RGS20: variants seen among roughly 807,000 people sequenced by gnomAD.
RGS20 encodes the protein regulator of G protein signaling 20.
In RGS20, 30 loss-of-function variants were observed where a neutral mutation model predicts 33.6. That is an observed-to-expected ratio of 0.89 (90% CI 0.67 to 1.21). The LOEUF (loss-of-function observed/expected upper bound fraction) is 1.21, where lower values mean the gene tolerates loss of function less well. RGS20 is among the 50% of genes most tolerant of loss of function. The pLI is 0.00. For missense variants in RGS20, 472 were observed against 502.4 expected (o/e 0.94, Z 0.58); for synonymous variants, 208 against 197.9 (o/e 1.05, Z -0.43).
chr8:53,919,865 G>A (rs1205588732), intron 2 of RGS20, among the ~76,000 whole-genome samples: 1 of 151,868 alleles, frequency 6.6e-6, no homozygotes, highest in Non-Finnish European at 1.5e-5. Flanking sequence ...ATAAATATGG[G>A]ATATCTTTCC....
In RGS20 at chr8:53,869,408, G is replaced by T. The variant is rs541971951; in HGVS notation, c.166-9850G>T. Among the ~76,000 whole-genome samples, 5 of 152,254 alleles carry T rather than the reference G, an allele frequency of 3.3e-5. No individual in the cohort carries two copies. In the South Asian group the frequency reaches 1.0e-3, roughly 32 times the overall value. ...ATTAAAATAGGGGCTGGGTGCGATGGCTTACGTCTGTAATCCCAGCATTTT... is the reference window on the plus strand; with the variant it reads ...ATTAAAATAGGGGCTGGGTGCGATGTCTTACGTCTGTAATCCCAGCATTTT... On this transcript the variant is annotated intron_variant, in intron 1 of 5. Coordinates refer to ENST00000297313, the MANE Select transcript of RGS20 (RefSeq NM_170587.4).
At chr8:53,924,275 C>T (rs1248170807) in intron 2 of RGS20, among the ~76,000 whole-genome samples, 9 of 151,984 alleles carry the variant, frequency 5.9e-5, no homozygotes, top group African/African-American at 1.5e-4. Flanking sequence ...CAGCAACCTC[C>T]GCCTCCCGGG....
At chr8:53,860,341 A>T (rs983697957) in intron 1 of RGS20, among the ~76,000 whole-genome samples, 2 of 152,246 alleles carry the variant, frequency 1.3e-5, no homozygotes, top group African/African-American at 4.8e-5. Flanking sequence ...ATGATTTCGA[A>T]TTCTCAACAC....
At chr8:53,854,543 G>T (rs931397569) in intron 1 of RGS20, among the ~76,000 whole-genome samples, 3 of 151,934 alleles carry the variant, frequency 2.0e-5, no homozygotes, top group Non-Finnish European at 4.4e-5. Flanking sequence ...ACACCGAGAA[G>T]AATAGCTAAA....
intron 2 of RGS20, among the ~76,000 whole-genome samples, chr8:53,939,130 C>T (rs1330688936): frequency 2.6e-5 from 4 of 152,218 alleles, no homozygotes; most frequent in Non-Finnish European, 5.9e-5. Context: ...TTAGCTGGGC[C>T]GCCCTTCCCA....
intron 4 of RGS20, among the ~76,000 whole-genome samples, chr8:53,949,605 G>A (rs1227719458): frequency 2.6e-5 from 4 of 151,164 alleles, no homozygotes; most frequent in African/African-American, 9.7e-5. Flanking sequence ...AATCCCAGCT[G>A]TTTGGAAGGT....
intron 2 of RGS20, among the ~76,000 whole-genome samples, chr8:53,911,794 A>G (rs1813354180): frequency 6.6e-6 from 1 of 152,048 alleles, no homozygotes; most frequent in African/African-American, 2.4e-5. Context: ...CAAAAAAATT[A>G]GCTGGTCATG....
rs1812299089 is a variant in RGS20, at chr8:53,879,592, C to T, written c.500C>T (p.Ser167Leu). ...GAAGACGCCACCGCTGGGCAGAGCT[C>T]GCCTATGCCGGTGAGTACCGTGGTC... is the stretch of plus-strand genomic sequence containing the variant. Residue 167 changes from serine (S) to leucine (L), a missense_variant, in exon 2 of 6, where the codon TCG becomes TTG. By Grantham distance (145) the Ser-to-Leu change is moderately radical (BLOSUM62 -2). Coordinates refer to ENST00000297313, the MANE Select transcript of RGS20 (RefSeq NM_170587.4). 6.6e-7 allele frequency: 1 copy of T among 1,512,354 alleles called. No homozygotes were observed. Among genetic ancestry groups the T allele is most frequent in the South Asian group, 1.3e-5 (1 of 77,948 alleles). The allele number at this position is 1,512,354 out of a possible 1,614,324, so 93.7% of individuals were successfully genotyped here. A position where few individuals can be genotyped will look rare whatever the true frequency, so the allele number is the denominator to read the frequency against.
intron 2 of RGS20, among the ~76,000 whole-genome samples, chr8:53,922,149 T>A (rs879745808): frequency 1.3e-5 from 2 of 152,286 alleles, no homozygotes; most frequent in Admixed American, 1.3e-4. Flanking sequence ...TCCCTTCAAT[T>A]CTGTTAGTTT....
Position 53,852,046 on chromosome 8 carries a change from G to T in RGS20, c.147G>T (p.Arg49Ser), listed in dbSNP as rs1563330680. The change falls in exon 1 of 6, where the codon AGG becomes AGT. Residue 49 changes from arginine to serine, a missense_variant. Arg to Ser is a moderately radical substitution (Grantham distance 110). This residue lies in a region of RGS20 where 319 missense variants were observed against 283.4 expected (regional missense o/e 1.13). Coordinates refer to ENST00000297313, the MANE Select transcript of RGS20 (RefSeq NM_170587.4). ...TCACAGAAAATGAAGGAGACCTCAGGGCTGTTCCTGATATCAAGGTAAGGT... is the reference window on the plus strand; with the variant it reads ...TCACAGAAAATGAAGGAGACCTCAGTGCTGTTCCTGATATCAAGGTAAGGT... The T allele has an allele frequency of 1.2e-6, 2 of 1,612,160 alleles. No homozygotes were observed. Among genetic ancestry groups the T allele is most frequent in the Admixed American group, 3.3e-5 (2 of 59,910 alleles).
chr8:53,884,626 G>A (rs147303654), intron 2 of RGS20, among the ~76,000 whole-genome samples: 453 of 152,198 alleles, frequency 3.0e-3, no homozygotes, highest in Middle Eastern at 0.01. Context: ...AGCTAATTAG[G>A]GGCCAAAATA....
At chr8:53,948,463 T>C (rs1397858389) in intron 4 of RGS20, among the ~76,000 whole-genome samples, 1 of 139,006 alleles carries the variant, frequency 7.2e-6, no homozygotes, top group Admixed American at 7.5e-5. Flanking sequence ...CTATATATGA[T>C]ACAGTATATA....
In RGS20 at chr8:53,906,121, A is replaced by G. The variant is rs535582880; in HGVS notation, c.510+26519A>G. ...GTATTTAAGACCAGAGGATCCTACA[A>G]AAAACTCACTCAGGCCAGGCGCGGT... On this transcript the variant is annotated intron_variant, in intron 2 of 5. Transcript: ENST00000297313. Among the ~76,000 whole-genome samples the G allele has an allele frequency of 3.9e-5, 6 of 152,276 alleles. No individual in the cohort carries two copies. The East Asian group carries it at 1.2e-3, about 29-fold the overall frequency.
Position 53,851,865 on chromosome 8 carries a change from C to T in RGS20, c.-35C>T, listed in dbSNP as rs1354127352. ...CTGTGCTAATATTGGGAAAACCAGG[C>T]AACAGGACTCATTTGGGGCCTTTAT... On this transcript the variant is annotated 5_prime_UTR_variant, in exon 1 of 6. Coordinates refer to ENST00000297313, the MANE Select transcript of RGS20 (RefSeq NM_170587.4). 6.2e-7 allele frequency: 1 copy of T among 1,606,802 alleles called. No individual in the cohort carries two copies. The highest frequency in any genetic ancestry group is 8.5e-7 in the Non-Finnish European group (1 of 1,175,970).
rs748360147 is a variant in RGS20 at position 53,879,332 on chromosome 8, C to T, written c.240C>T (p.Ser80=). The change falls in exon 2 of 6, where the codon TCC becomes TCT. Residue 80 remains serine (S), a synonymous_variant. Coordinates refer to ENST00000297313, the MANE Select transcript of RGS20 (RefSeq NM_170587.4). ...TCGGCCTCCTTTCTAGCCCGCTTTC[C>T]AGCCTCGCAAGGTTCTTCTCTCACC... The T allele has an allele frequency of 1.9e-6, 3 of 1,613,114 alleles. No individual in the cohort carries two copies. Among genetic ancestry groups the T allele is most frequent in the South Asian group, 2.2e-5 (2 of 91,082 alleles).
rs183515921 is a variant in RGS20, at chr8:53,901,357, C to T, written c.510+21755C>T. Among the ~76,000 whole-genome samples the T allele has an allele frequency of 5.3e-5, 8 of 152,232 alleles. No homozygotes were observed. In the East Asian group the frequency reaches 7.7e-4, roughly 15 times the overall value. On this transcript the variant is annotated intron_variant, in intron 2 of 5. Coordinates refer to ENST00000297313, the MANE Select transcript of RGS20 (RefSeq NM_170587.4). ...TGTTAGGATTACAGGCGTGAACCAC[C>T]GCGCCCAGCCTATACTTGTCTCTTA... is the stretch of plus-strand genomic sequence containing the variant.
chr8:53,853,508 A>G (rs1010141953), intron 1 of RGS20, among the ~76,000 whole-genome samples: 1 of 152,180 alleles, frequency 6.6e-6, no homozygotes, highest in Non-Finnish European at 1.5e-5. Flanking sequence ...GAAGGAAGCA[A>G]TCCAGTTGGG....
intron 1 of RGS20, among the ~76,000 whole-genome samples, chr8:53,855,196 C>G (rs952850535): frequency 6.6e-6 from 1 of 152,104 alleles, no homozygotes; most frequent in African/African-American, 2.4e-5. Flanking sequence ...TCCCAAGAAG[C>G]TAGGACTACA....
intron 4 of RGS20, among the ~76,000 whole-genome samples, chr8:53,947,272 G>A (rs1239481178): frequency 7.1e-6 from 1 of 141,432 alleles, no homozygotes; most frequent in Non-Finnish European, 1.5e-5. Flanking sequence ...TGCTATATAA[G>A]ATATAGCATA....
Sources: gnomAD v4.1 joint callset for allele counts (sites outside exome capture counted in the v4.1 genomes callset) on GRCh38, gnomAD v4.1.1 for gene constraint, gnomAD v4.1.1 regional missense constraint, MANE v1.5 for transcripts, NCBI Gene and HGNC (gene_info 2026-07-23, HGNC 2026-07-21) for gene names.